Variants in B3GALT1 observed in about 807,000 individuals in gnomAD.
B3GALT1 encodes the protein beta-1,3-galactosyltransferase 1.
In B3GALT1, 10 loss-of-function variants were observed where a neutral mutation model predicts 23.2. That is an observed-to-expected ratio of 0.43 (90% CI 0.27 to 0.73). B3GALT1 has a LOEUF of 0.73. B3GALT1 is among the 30% of genes least tolerant of loss of function. B3GALT1 has a pLI of 0.21. For missense variants in B3GALT1, 299 were observed against 405.4 expected, an observed-to-expected ratio of 0.74 and a Z score of 2.25; for synonymous variants, 156 against 141.5, an observed-to-expected ratio of 1.10 and a Z score of -0.73.
intron 3 of B3GALT1, among the ~76,000 whole-genome samples, chr2:167,778,225 G>C (rs1688193905): frequency 6.6e-6 from 1 of 152,020 alleles, no homozygotes; most frequent in African/African-American, 2.4e-5. Flanking sequence ...CTCTGAATTG[G>C]TTAATCACTT....
At chr2:167,401,813 C>T (rs1698196287) in intron 1 of B3GALT1, among the ~76,000 whole-genome samples, 1 of 152,162 alleles carries the variant, frequency 6.6e-6, no homozygotes. Context: ...TTTTAACAGC[C>T]TGTTATGTAC....
chr2:167,354,981 C>T (rs1697378727), intron 1 of B3GALT1, among the ~76,000 whole-genome samples: 1 of 152,188 alleles, frequency 6.6e-6, no homozygotes, highest in Non-Finnish European at 1.5e-5. Flanking sequence ...TATTAGACAC[C>T]TCCTTATCTT....
intron 2 of B3GALT1, among the ~76,000 whole-genome samples, chr2:167,492,877 A>ATGTGTGTGTG (rs61117741): frequency 3.0e-4 from 45 of 149,204 alleles, no homozygotes; most frequent in African/African-American, 9.6e-4. Context: ...GTATTTAGAG[A>ATGTGTGTGTG]TGTGTGTGTG....
At chr2:167,779,029 T>C (rs1688206415) in intron 3 of B3GALT1, among the ~76,000 whole-genome samples, 1 of 152,202 alleles carries the variant, frequency 6.6e-6, no homozygotes, top group African/African-American at 2.4e-5. Flanking sequence ...AATGCAAATA[T>C]TTTGACCACA....
chr2:167,796,624 C>T (rs1449598402), intron 3 of B3GALT1, among the ~76,000 whole-genome samples: 4 of 151,924 alleles, frequency 2.6e-5, no homozygotes, highest in Non-Finnish European at 5.9e-5. Context: ...TGGTGCTTGC[C>T]TGTAATCCCA....
intron 2 of B3GALT1, among the ~76,000 whole-genome samples, chr2:167,560,955 C>T (rs1000661366): frequency 6.6e-6 from 1 of 151,720 alleles, no homozygotes; most frequent in Non-Finnish European, 1.5e-5. Context: ...ACCAAGCGGA[C>T]CTAATAGACA....
At chr2:167,499,195 T>C (rs1025976691) in intron 2 of B3GALT1, among the ~76,000 whole-genome samples, 2 of 152,166 alleles carry the variant, frequency 1.3e-5, no homozygotes, top group Non-Finnish European at 2.9e-5. Context: ...AATGAAAAAT[T>C]CTGACTGCGT....
chr2:167,496,431 G>T (rs1699784061), intron 2 of B3GALT1, among the ~76,000 whole-genome samples: 1 of 152,174 alleles, frequency 6.6e-6, no homozygotes, highest in Non-Finnish European at 1.5e-5. Flanking sequence ...AGAAAGAAAT[G>T]TAATTAGCAT....
rs533716892 is a variant in B3GALT1 at position 167,490,263 on chromosome 2, A to G, written c.-424A>G. The G allele has an allele frequency of 6.6e-6, 1 of 152,218 alleles. No individual in the cohort carries two copies. The highest frequency in any genetic ancestry group is 1.5e-5 in the Non-Finnish European group (1 of 68,038). 9.4% of individuals were successfully genotyped at this position (152,218 alleles called of 1,614,324 possible). ...AGATGCTCCCTAAAAGGAGTGCAGA[A>G]ATTTTCATCATAGGGTAATAGCCGA... On this transcript the variant is annotated 5_prime_UTR_variant, in exon 2 of 5. Coordinates refer to ENST00000392690, the MANE Select transcript of B3GALT1 (RefSeq NM_020981.4).
chr2:167,438,166 T>C (rs1386508820), intron 1 of B3GALT1, among the ~76,000 whole-genome samples: 1 of 152,202 alleles, frequency 6.6e-6, no homozygotes, highest in Non-Finnish European at 1.5e-5. Context: ...GATAATTTCT[T>C]TGTAAAAAGT....
At chr2:167,809,727 G>A (rs1688837601) in intron 3 of B3GALT1, among the ~76,000 whole-genome samples, 1 of 152,164 alleles carries the variant, frequency 6.6e-6, no homozygotes, top group Non-Finnish European at 1.5e-5. Context: ...GCTACTCGGG[G>A]GTCAGGGACC....
intron 3 of B3GALT1, among the ~76,000 whole-genome samples, chr2:167,672,132 A>G (rs969233732): frequency 6.6e-6 from 1 of 152,068 alleles, no homozygotes; most frequent in African/African-American, 2.4e-5. Context: ...TGTATTTGAA[A>G]AATTTTAACC....
chr2:167,380,097 C>T (rs1312755769), intron 1 of B3GALT1, among the ~76,000 whole-genome samples: 2 of 152,126 alleles, frequency 1.3e-5, no homozygotes, highest in South Asian at 2.1e-4. Context: ...TAGGGTGGCT[C>T]AGGTTGCTGA....
intron 3 of B3GALT1, among the ~76,000 whole-genome samples, chr2:167,664,435 G>A (rs1270490693): frequency 1.3e-5 from 2 of 151,904 alleles, no homozygotes; most frequent in African/African-American, 4.9e-5. Context: ...GGATTGACTT[G>A]GCAATGCGGG....
chr2:167,420,369 A>G (rs933949934), intron 1 of B3GALT1, among the ~76,000 whole-genome samples: 7 of 152,240 alleles, frequency 4.6e-5, no homozygotes, highest in African/African-American at 1.4e-4. Context: ...ACTACAAGAA[A>G]AGAAGAACAA....
intron 2 of B3GALT1, among the ~76,000 whole-genome samples, chr2:167,579,018 T>C (rs1046626098): frequency 2.0e-5 from 3 of 152,084 alleles, no homozygotes; most frequent in Non-Finnish European, 4.4e-5. Flanking sequence ...TTTGTGGTAA[T>C]AGGGCGAAGC....
At chr2:167,422,343 C>A (rs1698560518) in intron 1 of B3GALT1, among the ~76,000 whole-genome samples, 1 of 151,954 alleles carries the variant, frequency 6.6e-6, no homozygotes, top group African/African-American at 2.4e-5. Flanking sequence ...TCTACTGGTA[C>A]CTTGATCTTG....
chr2:167,733,260 C>T (rs1236294097), intron 3 of B3GALT1, among the ~76,000 whole-genome samples: 1 of 150,968 alleles, frequency 6.6e-6, no homozygotes, highest in Non-Finnish European at 1.5e-5. Context: ...AGTTCCAGTG[C>T]ACTCTTAACC....
intron 4 of B3GALT1, among the ~76,000 whole-genome samples, chr2:167,860,363 TTC>T (rs1157230752): frequency 2.0e-5 from 3 of 152,166 alleles, no homozygotes; most frequent in Admixed American, 6.6e-5. Context: ...AGTTAACCCT[TTC>T]TCTCTGTCTC....
Sources: gnomAD v4.1 joint callset for allele counts (sites outside exome capture counted in the v4.1 genomes callset) on GRCh38, gnomAD v4.1.1 for gene constraint, MANE v1.5 for transcripts, NCBI Gene and HGNC (gene_info 2026-07-23, HGNC 2026-07-21) for gene names.